Variants in SEMA6A observed in about 807,000 individuals in gnomAD.
SEMA6A encodes semaphorin 6A, also known as semaphorin-6A.
SEMA6A carries 25 observed loss-of-function variants against 96.8 expected under a neutral mutation model. That is an observed-to-expected ratio of 0.26 (90% confidence interval 0.19 to 0.36). The LOEUF is 0.36. Ranked by LOEUF, SEMA6A falls within the 10% of genes least tolerant of loss-of-function variation. The pLI, the probability that SEMA6A is intolerant of heterozygous loss-of-function variation, is 1.00. For synonymous variants in SEMA6A, 612 were observed against 518.0 expected (o/e 1.18, Z -2.46); for missense variants, 1,363 against 1,323.1 (o/e 1.03, Z -0.47).
chr5:116,537,745 A>G (rs1044947084), intron 1 of SEMA6A, among the ~76,000 whole-genome samples: 2 of 152,090 alleles, frequency 1.3e-5, no homozygotes, highest in African/African-American at 4.8e-5. Context: ...ATACATTTAG[A>G]AAAAAAGAGA....
intron 15 of SEMA6A, 63 bp from the exon 16 acceptor site, chr5:116,475,666 G>A (rs1756409701): frequency 8.0e-7 from 1 of 1,246,254 alleles, no homozygotes; most frequent in Non-Finnish European, 1.1e-6. Flanking sequence ...CTTCAGAAAT[G>A]AGTCAAGCTT....
chr5:116,502,053 T>C (rs1048154586), intron 3 of SEMA6A, among the ~76,000 whole-genome samples, 157 bp downstream of exon 3: 2 of 152,212 alleles, frequency 1.3e-5, no homozygotes, highest in African/African-American at 4.8e-5. Context: ...ACAGACAATT[T>C]TGAAATAATG....
chr5:116,478,931 T>A (rs747916819), intron 12 of SEMA6A, among the ~76,000 whole-genome samples: 403 of 17,696 alleles, frequency 0.023, no homozygotes, highest in African/African-American at 0.063. Flanking sequence ...TGTGAGAGAG[T>A]GTGTGTGTGT....
Position 116,443,562 on chromosome 5 carries a change from G to C in SEMA6A, c.*3051C>G, listed in dbSNP as rs1457151458. 1 of 152,516 alleles carries C rather than the reference G, an allele frequency of 6.6e-6. No homozygotes were observed. The highest frequency in any genetic ancestry group is 1.5e-5 in the Non-Finnish European group (1 of 68,012). 9.4% of individuals were successfully genotyped at this position (152,516 alleles called of 1,614,324 possible). ...CATTCAGGACACAAAAGATAATATA[G>C]AACAGTCAGGTTTTATTACTTTTAA... On this transcript the variant is annotated 3_prime_UTR_variant, in exon 19 of 19. Coordinates refer to ENST00000343348, the MANE Select transcript of SEMA6A (RefSeq NM_020796.5).
chr5:116,496,685 A>G (rs1475507754), intron 4 of SEMA6A, among the ~76,000 whole-genome samples: 1 of 152,184 alleles, frequency 6.6e-6, no homozygotes, highest in South Asian at 2.1e-4. Flanking sequence ...TGATAAATCA[A>G]TTTTTATAAA....
intron 18 of SEMA6A, among the ~76,000 whole-genome samples, chr5:116,457,670 T>G (rs1158282510): frequency 6.6e-6 from 1 of 152,134 alleles, no homozygotes; most frequent in Non-Finnish European, 1.5e-5. Context: ...TGACACCAAT[T>G]AAGATCCCAT....
intron 1 of SEMA6A, among the ~76,000 whole-genome samples, chr5:116,544,515 TCTCAAGTTCCTGGG>T (rs993844936): frequency 2.0e-5 from 3 of 151,748 alleles, no homozygotes; most frequent in Non-Finnish European, 2.9e-5. Flanking sequence ...CCTAGGCTGG[TCTCAAGTTCCTGGG>T]CTCAAGTGAT....
At position 116,447,660 on chromosome 5, in the gene SEMA6A, A is replaced by G. The variant is rs534738537; in HGVS notation, c.2046T>C (p.Ala682=). ...CVCDHRRKDV[A]VVQRKEKELT... is the part of the protein sequence containing the mutation. ...GCTCCTTCTCCTTGCGCTGCACCAC[A>G]GCCACGTCTTTGCGCCGATGATCAC... The change falls in exon 19 of 19, where the codon GCT becomes GCC. Residue 682 remains alanine, a synonymous_variant. Coordinates refer to ENST00000343348, the MANE Select transcript of SEMA6A (RefSeq NM_020796.5). The G allele has an allele frequency of 6.2e-7, 1 of 1,613,914 alleles. No homozygotes were observed. Among genetic ancestry groups the G allele is most frequent in the African/African-American group, 1.3e-5 (1 of 74,944 alleles).
At chr5:116,498,114 C>T (rs921087673) in intron 3 of SEMA6A, among the ~76,000 whole-genome samples, 62 of 152,090 alleles carry the variant, frequency 4.1e-4, no homozygotes, top group Non-Finnish European at 3.8e-4. Flanking sequence ...TTAAACATCC[C>T]CTTCTGTGTG....
chr5:116,490,630 C>G (rs748344065), intron 7 of SEMA6A, among the ~76,000 whole-genome samples: 1 of 152,138 alleles, frequency 6.6e-6, no homozygotes, highest in South Asian at 2.1e-4. Context: ...GGGGAGAACC[C>G]GAGGAACCTG....
intron 12 of SEMA6A, among the ~76,000 whole-genome samples, chr5:116,479,813 G>A (rs1164397569): frequency 6.6e-6 from 1 of 152,138 alleles, no homozygotes; most frequent in Non-Finnish European, 1.5e-5. Flanking sequence ...CCATTCACTG[G>A]TTCTCCTTCA....
chr5:116,501,509 T>C (rs1757878983), intron 3 of SEMA6A, among the ~76,000 whole-genome samples: 1 of 152,232 alleles, frequency 6.6e-6, no homozygotes, highest in African/African-American at 2.4e-5. Context: ...ATATATATGT[T>C]AACTGCAAAA....
intron 15 of SEMA6A, 144 bp from the exon 16 acceptor site, chr5:116,475,747 A>C (rs1756414303): frequency 3.6e-6 from 2 of 554,462 alleles, no homozygotes; most frequent in Middle Eastern, 5.4e-4. Context: ...ACAGCTTTAA[A>C]ATTTATCTCT....
At chr5:116,534,841 G>A (rs1759640514) in intron 1 of SEMA6A, among the ~76,000 whole-genome samples, 1 of 152,076 alleles carries the variant, frequency 6.6e-6, no homozygotes, top group Non-Finnish European at 1.5e-5. Flanking sequence ...ATGAACAGAT[G>A]AAGACTTTAT....
chr5:116,483,460 A>G (rs1756891925), intron 10 of SEMA6A, among the ~76,000 whole-genome samples: 1 of 152,206 alleles, frequency 6.6e-6, no homozygotes, highest in African/African-American at 2.4e-5. Context: ...CGCCCAGGAC[A>G]AGAGACACGG....
At position 116,495,452 on chromosome 5, in the gene SEMA6A, A is replaced by G. The variant is rs1757545272; in HGVS notation, c.405T>C (p.Cys135=). The part of the protein sequence containing the change: ...LKKNDDALFV[C]GTNAFNPSCR... The stretch of plus-strand genomic sequence containing the variant: ...AGGAAGGGTTGAAGGCATTAGTTCC[A>G]CAGACAAACAATGCATCATCGTTTT... Residue 135 remains cysteine (C), a synonymous_variant, in exon 6 of 19, where the codon TGT becomes TGC. Transcript: ENST00000343348. The G allele has an allele frequency of 6.2e-7, 1 of 1,610,814 alleles. No homozygotes were observed. The highest frequency in any genetic ancestry group is 8.5e-7 in the Non-Finnish European group (1 of 1,178,596).
At position 116,547,734 on chromosome 5, in the gene SEMA6A, TAAAAAAA is replaced by T. The variant is rs34908253; in HGVS notation, c.-39+26444_-39+26450del. Among the ~76,000 whole-genome samples the T allele has an allele frequency of 2.4e-4, 16 of 65,584 alleles. No individual in the cohort carries two copies. In the East Asian group the frequency reaches 6.6e-3, roughly 27 times the overall value. 43.0% of individuals were successfully genotyped at this position (65,584 alleles called of 152,430 possible). Reference sequence around the variant, plus strand: ...TGTAAACTGCTATGTATCTGATACTTAAAAAAAAAAAAAAAAAAAAAAAAAGCCAAAT... The same window carrying T: ...TGTAAACTGCTATGTATCTGATACTTAAAAAAAAAAAAAAAAAAGCCAAAT... On this transcript the variant is annotated intron_variant, in intron 1 of 18. Coordinates refer to ENST00000343348, the MANE Select transcript of SEMA6A (RefSeq NM_020796.5).
intron 1 of SEMA6A, among the ~76,000 whole-genome samples, chr5:116,557,957 G>C (rs1580514983): frequency 6.6e-6 from 1 of 152,244 alleles, no homozygotes; most frequent in South Asian, 2.1e-4. Context: ...TCTATAATTT[G>C]GTTTCTCGGC....
At chr5:116,469,983 T>C (rs749873659) in intron 17 of SEMA6A, among the ~76,000 whole-genome samples, 1 of 152,198 alleles carries the variant, frequency 6.6e-6, no homozygotes, top group Non-Finnish European at 1.5e-5. Flanking sequence ...AGAGAAACCA[T>C]GCATCTGATT....
Sources: gnomAD v4.1 joint callset for allele counts (sites outside exome capture counted in the v4.1 genomes callset) on GRCh38, gnomAD v4.1.1 for gene constraint, MANE v1.5 for transcripts, NCBI Gene and HGNC (gene_info 2026-07-23, HGNC 2026-07-21) for gene names.